The following SPAG16 variants were observed in gnomAD, a reference collection of about 807,000 sequenced individuals.
SPAG16 encodes the protein sperm associated antigen 16, also known as sperm-associated antigen 16 protein.
SPAG16 carries 86 observed loss-of-function variants against 80.4 expected under a neutral mutation model. The observed-to-expected ratio is 1.07, with a 90% CI of 0.90 to 1.28. The LOEUF (loss-of-function observed/expected upper bound fraction) is 1.28, where lower values mean the gene tolerates loss of function less well. Ranked by LOEUF, SPAG16 falls within the 50% of genes most tolerant of loss-of-function variation. SPAG16 has a pLI of 0.00. For synonymous variants in SPAG16, 294 were observed against 265.9 expected (o/e 1.11, Z -1.03); for missense variants, 870 against 765.3 (o/e 1.14, Z -1.61).
intron 15 of SPAG16, among the ~76,000 whole-genome samples, chr2:214,336,372 C>A (rs1261656848): frequency 6.6e-6 from 1 of 152,160 alleles, no homozygotes; most frequent in Non-Finnish European, 1.5e-5. Context: ...GACATCTGGA[C>A]ACTCTGGAGT....
chr2:213,974,241 C>T lies in SPAG16; in HGVS notation c.1401-39710C>T, dbSNP rs371053769. Among the ~76,000 whole-genome samples, 36 of 152,080 alleles carry T rather than the reference C, an allele frequency of 2.4e-4. No homozygotes were observed. The East Asian group carries it at 4.1e-3, about 17-fold the overall frequency. On this transcript the variant is annotated intron_variant, in intron 12 of 15. Coordinates refer to ENST00000331683, the MANE Select transcript of SPAG16 (RefSeq NM_024532.5). The stretch of plus-strand genomic sequence containing the variant: ...AAAGCTTTTAAGCAAAGAAATGCTA[C>T]GATTTAAGCTCCTGCTTCAGAAGAT...
intron 9 of SPAG16, among the ~76,000 whole-genome samples, chr2:213,457,655 T>C (rs1482056193): frequency 6.6e-6 from 1 of 152,328 alleles, no homozygotes; most frequent in South Asian, 2.1e-4. Context: ...TTTTGGTGTC[T>C]GCATGGCATA....
intron 12 of SPAG16, among the ~76,000 whole-genome samples, chr2:213,998,106 A>G (rs952368689): frequency 6.6e-6 from 1 of 152,232 alleles, no homozygotes; most frequent in African/African-American, 2.4e-5. Flanking sequence ...TCATGTGATT[A>G]AGGTAATTAA....
chr2:213,317,571 A>G (rs969653605), intron 5 of SPAG16: 18 of 1,216,148 alleles, frequency 1.5e-5, no homozygotes, highest in African/African-American at 1.5e-5. Context: ...GAATGCAGGT[A>G]GTTGTTTAGG....
At chr2:213,292,123 T>C (rs1206261780) in intron 1 of SPAG16, among the ~76,000 whole-genome samples, 1 of 152,230 alleles carries the variant, frequency 6.6e-6, no homozygotes, top group East Asian at 1.9e-4. Context: ...CTTCCTCATA[T>C]AATCTTATCA....
chr2:214,111,798 T>C (rs1393327879), intron 14 of SPAG16, among the ~76,000 whole-genome samples: 3 of 152,030 alleles, frequency 2.0e-5, no homozygotes, highest in Non-Finnish European at 4.4e-5. Context: ...TCTTTTATTT[T>C]GTTGAGCAGT....
At chr2:214,287,336 A>T (rs1693439812) in intron 15 of SPAG16, among the ~76,000 whole-genome samples, 2 of 152,214 alleles carry the variant, frequency 1.3e-5, no homozygotes, top group South Asian at 4.1e-4. Flanking sequence ...TCTGTATCCC[A>T]TTATAGAAAT....
intron 15 of SPAG16, among the ~76,000 whole-genome samples, chr2:214,201,809 C>CTTTCT (rs200158787): frequency 2.8e-4 from 43 of 152,034 alleles, no homozygotes; most frequent in Admixed American, 1.3e-3. Context: ...AATCACATTT[C>CTTTCT]TTTCTTTTCT....
chr2:213,306,849 A>G (rs1331680788), intron 3 of SPAG16, among the ~76,000 whole-genome samples: 3 of 152,176 alleles, frequency 2.0e-5, no homozygotes, highest in Non-Finnish European at 1.5e-5. Context: ...GGTGTCAGCA[A>G]CTCAAGACTG....
intron 13 of SPAG16, among the ~76,000 whole-genome samples, chr2:214,086,234 T>G (rs182203910): frequency 3.3e-5 from 5 of 152,224 alleles, no homozygotes; most frequent in Non-Finnish European, 5.9e-5. Flanking sequence ...CTGTATTAAT[T>G]AAGGTTGTTA....
intron 9 of SPAG16, among the ~76,000 whole-genome samples, chr2:213,377,755 G>A (rs1404475432): frequency 6.6e-6 from 1 of 152,048 alleles, no homozygotes; most frequent in African/African-American, 2.4e-5. Flanking sequence ...TGGAAGAGTT[G>A]TTACTGGACT....
intron 12 of SPAG16, among the ~76,000 whole-genome samples, chr2:214,005,518 A>G (rs576283449): frequency 2.9e-4 from 44 of 152,290 alleles, no homozygotes; most frequent in African/African-American, 8.4e-4. Context: ...CCATGATCCA[A>G]CCTGGCTGAG....
intron 10 of SPAG16, among the ~76,000 whole-genome samples, chr2:213,862,213 A>T (rs902437923): frequency 9.9e-5 from 15 of 152,214 alleles, no homozygotes; most frequent in Non-Finnish European, 2.1e-4. Context: ...AACCAGAATT[A>T]GATATGCACA....
At chr2:213,928,538 C>T (rs2078597722) in intron 11 of SPAG16, among the ~76,000 whole-genome samples, 1 of 152,118 alleles carries the variant, frequency 6.6e-6, no homozygotes, top group African/African-American at 2.4e-5. Context: ...TGAAAAATAC[C>T]CAAGCCTATG....
At chr2:214,299,814 G>A (rs889518836) in intron 15 of SPAG16, among the ~76,000 whole-genome samples, 1 of 152,098 alleles carries the variant, frequency 6.6e-6, no homozygotes, top group Admixed American at 6.5e-5. Context: ...GTAGATACCT[G>A]TATGAATTGG....
intron 9 of SPAG16, among the ~76,000 whole-genome samples, chr2:213,404,184 C>G (rs917244003): frequency 2.6e-4 from 40 of 152,172 alleles, no homozygotes; most frequent in African/African-American, 9.4e-4. Flanking sequence ...CAATGACTTT[C>G]TTCACAGAAT....
chr2:213,538,410 T>C (rs1328433327), intron 10 of SPAG16, among the ~76,000 whole-genome samples: 1 of 152,144 alleles, frequency 6.6e-6, no homozygotes, highest in Non-Finnish European at 1.5e-5. Flanking sequence ...AAAATCTTTC[T>C]GTGCCTCAGG....
intron 15 of SPAG16, among the ~76,000 whole-genome samples, chr2:214,323,519 C>T (rs1314248510): frequency 6.6e-6 from 1 of 152,070 alleles, no homozygotes; most frequent in Non-Finnish European, 1.5e-5. Flanking sequence ...TGTTTGACTT[C>T]CCAAGCTGGC....
intron 13 of SPAG16, among the ~76,000 whole-genome samples, chr2:214,020,284 T>C (rs1216081561): frequency 6.6e-6 from 1 of 152,184 alleles, no homozygotes; most frequent in Non-Finnish European, 1.5e-5. Context: ...CACAGTAGTC[T>C]CCAAACTATT....
Sources: allele counts gnomAD v4.1 joint callset (sites outside exome capture counted in the v4.1 genomes callset), GRCh38; gene constraint gnomAD v4.1.1; transcripts MANE v1.5; gene names NCBI Gene and HGNC (gene_info 2026-07-23, HGNC 2026-07-21).